Variants in ZNF846 observed in about 807,000 individuals in gnomAD.
ZNF846 encodes zinc finger protein 846, also known as zinc finger protein 420 pseudogene.
ZNF846 carries 15 observed loss-of-function variants against 16.0 expected under a neutral mutation model. The observed-to-expected ratio is 0.94, with a 90% CI of 0.63 to 1.45. The LOEUF is 1.45. Among genes scored for constraint, ZNF846 ranks in the 40% most tolerant of loss-of-function variants. The pLI, the probability that ZNF846 is intolerant of heterozygous loss-of-function variation, is 0.00. For synonymous variants in ZNF846, 229 were observed against 212.0 expected (o/e 1.08, Z -0.70); for missense variants, 714 against 622.3 (o/e 1.15, Z -1.57).
At chr19:9,776,262 A>T (rs1360406894) in intron 1 of ZNF846, among the ~76,000 whole-genome samples, 3 of 152,194 alleles carry the variant, frequency 2.0e-5, no homozygotes, top group African/African-American at 7.2e-5. Context: ...GCCTGACATC[A>T]GCCAGGCTTG....
At chr19:9,777,668 C>CA (rs57809806) in intron 1 of ZNF846, among the ~76,000 whole-genome samples, 20,981 of 143,672 alleles carry the variant, frequency 0.15, 1,712 homozygotes, top group Admixed American at 0.24. Flanking sequence ...AGACTCTGTC[C>CA]AAAAAAAAAA....
chr19:9,782,709 A>G (rs139222807), intron 1 of ZNF846, among the ~76,000 whole-genome samples: 1 of 152,350 alleles, frequency 6.6e-6, no homozygotes, highest in African/African-American at 2.4e-5. Context: ...AAACTTTGAT[A>G]TGTGTCTGTT....
chr19:9,766,780 G>C (rs1210601013), intron 1 of ZNF846, among the ~76,000 whole-genome samples: 1 of 150,688 alleles, frequency 6.6e-6, no homozygotes, highest in African/African-American at 2.4e-5. Flanking sequence ...TGCACCTGTA[G>C]TTCCAGCTAC....
At chr19:9,784,385 A>G (rs1471034170) in intron 1 of ZNF846, among the ~76,000 whole-genome samples, 2 of 152,228 alleles carry the variant, frequency 1.3e-5, no homozygotes, top group African/African-American at 4.8e-5. Flanking sequence ...ATGTGCATGT[A>G]GGCCAGATTT....
exon 6 of ZNF846, chr19:9,758,140 T>C (rs535561930): frequency 2.5e-6 from 4 of 1,613,610 alleles, no homozygotes; most frequent in East Asian, 2.2e-5. Context: ...CCACATTCCA[T>C]ACATACATAG....
exon 1 of ZNF846, chr19:9,768,310 TG>T (rs147535386): frequency 0.036 from 5,516 of 152,388 alleles, 142 homozygotes; most frequent in Non-Finnish European, 0.057. Context: ...GCAATCGCCC[TG>T]TCGGTGACAA....
At chr19:9,753,371 C>G (rs1043565922), downstream of ZNF846, among the ~76,000 whole-genome samples, 1 of 150,944 alleles carries the variant, frequency 6.6e-6, no homozygotes, top group African/African-American at 2.5e-5. Context: ...CCTGCCTCAG[C>G]CTCCTGGATA....
At chr19:9,757,375 TAA>T (rs960073619), downstream of ZNF846, 13 of 968,784 alleles carry the variant, frequency 1.3e-5, no homozygotes, top group African/African-American at 2.2e-4. Context: ...TCCTATTATA[TAA>T]GATATGGAAA....
downstream of ZNF846, among the ~76,000 whole-genome samples, chr19:9,755,122 C>T (rs2045120846): frequency 6.6e-6 from 1 of 151,422 alleles, no homozygotes; most frequent in South Asian, 2.1e-4. Context: ...CCTCAGCCTC[C>T]CAAAGTGCTG....
intron 1 of ZNF846, among the ~76,000 whole-genome samples, chr19:9,767,768 C>T (rs1599394345): frequency 6.6e-6 from 1 of 152,206 alleles, no homozygotes; most frequent in East Asian, 1.9e-4. Flanking sequence ...AACCCCGTCT[C>T]TACTAAAAAT....
chr19:9,756,656 TGTTGA>T (rs1402355976), downstream of ZNF846: 1 of 151,404 alleles, frequency 6.6e-6, no homozygotes, highest in African/African-American at 2.5e-5. Context: ...AGTTCTTTGA[TGTTGA>T]GTTATTAAAA....
chr19:9,780,994 A>G (rs2045495999), intron 1 of ZNF846, among the ~76,000 whole-genome samples: 1 of 152,202 alleles, frequency 6.6e-6, no homozygotes, highest in Admixed American at 6.6e-5. Context: ...TTTCCAGGAC[A>G]TTCTATAAGG....
At chr19:9,752,392 G>A (rs541587421) in exon 6 of ZNF846, 136 of 344,748 alleles carry the variant, frequency 3.9e-4, no homozygotes, top group South Asian at 7.6e-4. Flanking sequence ...TGGATCACCT[G>A]AAGTCAGGAG....
At chr19:9,756,345 G>GTGTATATATATATATA (rs1321690890), downstream of ZNF846, 23 of 81,766 alleles carry the variant, frequency 2.8e-4, no homozygotes, top group African/African-American at 9.1e-4. Context: ...GTGTGTGTGT[G>GTGTATATATATATATA]TATATATATA....
At chr19:9,755,588 CAGG>C (rs1332201805), downstream of ZNF846, 1 of 150,274 alleles carries the variant, frequency 6.7e-6, no homozygotes, top group Non-Finnish European at 1.5e-5. Flanking sequence ...ATCACAAGGT[CAGG>C]AGATCGAGAC....
downstream of ZNF846, among the ~76,000 whole-genome samples, chr19:9,749,026 T>C (rs965744392): frequency 6.6e-6 from 1 of 152,158 alleles, no homozygotes; most frequent in African/African-American, 2.4e-5. Context: ...TAGTCATCTA[T>C]AGTACCCCAA....
intron 1 of ZNF846, among the ~76,000 whole-genome samples, chr19:9,765,639 C>T (rs1017453816): frequency 1.3e-5 from 2 of 152,210 alleles, no homozygotes; most frequent in Admixed American, 1.3e-4. Context: ...CACCACTGCA[C>T]TCCAGCCTGG....
downstream of ZNF846, among the ~76,000 whole-genome samples, chr19:9,750,201 G>A (rs1005224696): frequency 6.6e-6 from 1 of 152,124 alleles, no homozygotes; most frequent in African/African-American, 2.4e-5. Context: ...TGCTTAGGAA[G>A]ACACCTACCC....
downstream of ZNF846, among the ~76,000 whole-genome samples, chr19:9,754,068 A>G (rs1437458980): frequency 6.6e-6 from 1 of 151,330 alleles, no homozygotes; most frequent in African/African-American, 2.5e-5. Context: ...CTGATGTTTG[A>G]TACATATAAT....
Sources: gnomAD v4.1 joint callset for allele counts (sites outside exome capture counted in the v4.1 genomes callset) on GRCh38, gnomAD v4.1.1 for gene constraint, MANE v1.5 for transcripts, NCBI Gene and HGNC (gene_info 2026-07-23, HGNC 2026-07-21) for gene names.